The following SUSD6 variants were observed in gnomAD, a reference collection of about 807,000 sequenced individuals.
SUSD6 encodes sushi domain containing 6.
Under a neutral mutation model 28.4 loss-of-function variants are expected in SUSD6, and 16 were observed. The observed-to-expected ratio is 0.56, with a 90% CI of 0.38 to 0.86. The LOEUF (loss-of-function observed/expected upper bound fraction) is 0.86, where lower values mean the gene tolerates loss of function less well. Among genes scored for constraint, SUSD6 ranks in the 40% least tolerant of loss-of-function variants. The probability of loss-of-function intolerance (pLI) is 0.00; values close to 1 mark genes in which losing one functional copy is unlikely to be tolerated. For missense variants in SUSD6, 341 were observed against 384.2 expected, an observed-to-expected ratio of 0.89 and a Z score of 0.94; for synonymous variants, 147 against 159.6, an observed-to-expected ratio of 0.92 and a Z score of 0.59.
intron 2 of SUSD6, among the ~76,000 whole-genome samples, chr14:69,696,865 T>C (rs544217530): frequency 6.6e-6 from 1 of 152,268 alleles, no homozygotes; most frequent in South Asian, 2.1e-4. Context: ...CAAGAAAGAA[T>C]TCAGGGCGAG....
At chr14:69,627,794 G>A (rs192397236) in intron 1 of SUSD6, among the ~76,000 whole-genome samples, 7 of 152,244 alleles carry the variant, frequency 4.6e-5, no homozygotes, top group Admixed American at 6.5e-5. Flanking sequence ...AGTGGCAGAT[G>A]TTCTTGCTGT....
rs1369411501 is a variant in SUSD6 at position 69,713,025 on chromosome 14, AG to A, written c.*2050del. Reference sequence around the variant, plus strand: ...AACAGAAAGCAGTGACAAAAGGGGGAGGGGTGGTAATCTGAAGTCTCACTGC... The same window carrying A: ...AACAGAAAGCAGTGACAAAAGGGGGAGGGTGGTAATCTGAAGTCTCACTGC... On this transcript the variant is annotated 3_prime_UTR_variant, in exon 6 of 6. Transcript: ENST00000342745. 1.3e-5 allele frequency: 2 copies of A among 152,108 alleles called. No individual in the cohort carries two copies. Among genetic ancestry groups the A allele is most frequent in the African/African-American group, 4.8e-5 (2 of 41,386 alleles). The allele number at this position is 152,108 out of a possible 1,614,324, so 9.4% of individuals were successfully genotyped here.
chr14:69,653,127 T>A (rs890542150), intron 1 of SUSD6, among the ~76,000 whole-genome samples: 5 of 152,138 alleles, frequency 3.3e-5, no homozygotes, highest in Admixed American at 3.3e-4. Flanking sequence ...TTCTTCCTCA[T>A]TGGAGGAACT....
chr14:69,685,397 T>C (rs1886058750), intron 2 of SUSD6, among the ~76,000 whole-genome samples: 1 of 152,234 alleles, frequency 6.6e-6, no homozygotes, highest in Admixed American at 6.5e-5. Context: ...TTCAGGGCCC[T>C]GATTGCACAT....
chr14:69,693,992 A>G lies in SUSD6; in HGVS notation c.122-9403A>G, dbSNP rs532475790. ...AATCATTGTGGCTCATTGCAGTTGA[A>G]AACAAGACAGTGTTTTGAAATAAGG... is the stretch of plus-strand genomic sequence containing the variant. On this transcript the variant is annotated intron_variant, in intron 2 of 5. Transcript: ENST00000342745. Among the ~76,000 whole-genome samples the G allele has an allele frequency of 4.6e-5, 7 of 152,388 alleles. No homozygotes were observed. The South Asian group carries it at 6.2e-4, about 14-fold the overall frequency.
Position 69,659,711 on chromosome 14 carries a change from G to A in SUSD6, c.121+998G>A, listed in dbSNP as rs184394870. Among the ~76,000 whole-genome samples the A allele has an allele frequency of 2.2e-3, 337 of 152,278 alleles. 1 individual carries two copies. Among genetic ancestry groups the A allele is most frequent in the African/African-American group, 7.7e-3 (321 of 41,558 alleles). On this transcript the variant is annotated intron_variant, in intron 2 of 5. Coordinates refer to ENST00000342745, the MANE Select transcript of SUSD6 (RefSeq NM_014734.4). The stretch of plus-strand genomic sequence containing the variant: ...TTTTTTATTATTTAGTTGAGACGGG[G>A]TTTCACCATGTTGGCCAGGCTGGTC...
intron 1 of SUSD6, among the ~76,000 whole-genome samples, chr14:69,652,675 C>G (rs893888951): frequency 3.3e-5 from 5 of 152,174 alleles, no homozygotes; most frequent in African/African-American, 4.8e-5. Flanking sequence ...CTGAGGAGAT[C>G]TGGGCCCTGG....
At chr14:69,706,532 C>T (rs1397125575) in intron 4 of SUSD6, among the ~76,000 whole-genome samples, 5 of 152,138 alleles carry the variant, frequency 3.3e-5, no homozygotes, top group Non-Finnish European at 7.4e-5. Flanking sequence ...TGATCACAGC[C>T]TACTGCAGCC....
intron 2 of SUSD6, among the ~76,000 whole-genome samples, chr14:69,696,980 C>T (rs1886234074): frequency 6.6e-6 from 1 of 152,156 alleles, no homozygotes; most frequent in Admixed American, 6.5e-5. Flanking sequence ...GGCTACTCGG[C>T]TGAGTGTATT....
intron 1 of SUSD6, among the ~76,000 whole-genome samples, chr14:69,639,956 GTT>G (rs11463756): frequency 2.7e-4 from 22 of 81,646 alleles, no homozygotes; most frequent in African/African-American, 8.9e-4. Context: ...CACCTACACT[GTT>G]TTTTTTTTTT....
intron 2 of SUSD6, among the ~76,000 whole-genome samples, chr14:69,664,707 C>T (rs561897348): frequency 8.3e-4 from 127 of 152,324 alleles, no homozygotes; most frequent in African/African-American, 2.8e-3. Context: ...GTCCACGTAA[C>T]TGGGTCCCTA....
At chr14:69,697,228 C>T (rs1311897333) in intron 2 of SUSD6, among the ~76,000 whole-genome samples, 3 of 152,170 alleles carry the variant, frequency 2.0e-5, no homozygotes, top group Non-Finnish European at 2.9e-5. Context: ...AGGTCACTTT[C>T]GTCACCATCT....
intron 1 of SUSD6, among the ~76,000 whole-genome samples, chr14:69,635,547 G>A (rs1055283988): frequency 1.3e-5 from 2 of 151,504 alleles, no homozygotes; most frequent in South Asian, 2.1e-4. Context: ...TTTTTTGGGT[G>A]GAAGAGAAGG....
chr14:69,638,219 C>G (rs1470603929), intron 1 of SUSD6, among the ~76,000 whole-genome samples: 1 of 152,144 alleles, frequency 6.6e-6, no homozygotes, highest in African/African-American at 2.4e-5. Flanking sequence ...TTTACCACCC[C>G]GTTTTCTGTC....
chr14:69,612,581 A>AG (rs1374420480), intron 1 of SUSD6, among the ~76,000 whole-genome samples: 1 of 152,044 alleles, frequency 6.6e-6, no homozygotes, highest in Non-Finnish European at 1.5e-5. Flanking sequence ...TAGGAGCAGG[A>AG]GGGGGAGGTG....
At chr14:69,657,713 A>G (rs1885603665) in intron 1 of SUSD6, among the ~76,000 whole-genome samples, 2 of 152,246 alleles carry the variant, frequency 1.3e-5, no homozygotes, top group Non-Finnish European at 2.9e-5. Flanking sequence ...ATTGTAATGT[A>G]TCGTCAACCC....
At chr14:69,613,356 GGTTT>G (rs1884910611) in intron 1 of SUSD6, among the ~76,000 whole-genome samples, 1 of 152,072 alleles carries the variant, frequency 6.6e-6, no homozygotes, top group Admixed American at 6.5e-5. Context: ...GCTAGTTTCT[GGTTT>G]GTTTACCTTT....
chr14:69,692,334 G>C (rs1327330293), intron 2 of SUSD6, among the ~76,000 whole-genome samples: 1 of 152,128 alleles, frequency 6.6e-6, no homozygotes, highest in Non-Finnish European at 1.5e-5. Flanking sequence ...GTTATACTTT[G>C]TAGGTCTTGG....
chr14:69,638,153 T>C (rs181859854), intron 1 of SUSD6, among the ~76,000 whole-genome samples: 12 of 152,316 alleles, frequency 7.9e-5, no homozygotes, highest in African/African-American at 2.6e-4. Flanking sequence ...ACCCTTGTTA[T>C]TCTCTGTTCA....
Sources: gnomAD v4.1 joint callset for allele counts (sites outside exome capture counted in the v4.1 genomes callset) on GRCh38, gnomAD v4.1.1 for gene constraint, MANE v1.5 for transcripts, NCBI Gene and HGNC (gene_info 2026-07-23, HGNC 2026-07-21) for gene names.